DYM: variants seen among roughly 807,000 people sequenced by gnomAD.
DYM encodes dyggve-Melchior-Clausen syndrome protein.
A neutral mutation model predicts 93.1 loss-of-function variants in DYM; 78 were observed. The observed-to-expected ratio is 0.84, with a 90% CI of 0.70 to 1.01. The LOEUF is 1.01. DYM is among the 50% of genes least tolerant of loss of function. DYM has a pLI of 0.00. For synonymous variants in DYM, 321 were observed against 319.7 expected, an observed-to-expected ratio of 1.00 and a Z score of -0.04; for missense variants, 789 against 845.0, an observed-to-expected ratio of 0.93 and a Z score of 0.82.
chr18:49,133,849 T>G (rs1296293964), intron 15 of DYM, among the ~76,000 whole-genome samples: 1 of 152,222 alleles, frequency 6.6e-6, no homozygotes, highest in Admixed American at 6.5e-5. Flanking sequence ...TGCAAAGTCC[T>G]TTTTGCTATG....
intron 11 of DYM, among the ~76,000 whole-genome samples, chr18:49,262,537 A>G (rs1309266719): frequency 6.6e-6 from 1 of 152,192 alleles, no homozygotes; most frequent in Non-Finnish European, 1.5e-5. Flanking sequence ...TTTTTCACTC[A>G]GCATGTTTCT....
At position 49,097,387 on chromosome 18, in the gene DYM, C is replaced by A; in HGVS notation, c.2025+15G>T. 1 of 1,612,732 alleles carries A rather than the reference C, an allele frequency of 6.2e-7. No homozygotes were observed. On this transcript the variant is annotated intron_variant, in intron 17 of 17. Coordinates refer to ENST00000675505, the MANE Select transcript of DYM (RefSeq NM_001353214.3). ...ACACGGCAGTGTCAAGTGGACATTT[C>A]TTTAGCCTTCTTACCTTCAGTCTGT...
At chr18:49,201,014 A>G (rs1001388353) in intron 14 of DYM, among the ~76,000 whole-genome samples, 2 of 152,192 alleles carry the variant, frequency 1.3e-5, no homozygotes, top group African/African-American at 4.8e-5. Flanking sequence ...GTATTATGCT[A>G]TATCTTTAGT....
At chr18:49,168,415 T>C (rs2088194924) in intron 14 of DYM, among the ~76,000 whole-genome samples, 1 of 152,144 alleles carries the variant, frequency 6.6e-6, no homozygotes, top group Admixed American at 6.5e-5. Context: ...ATGACAGCAT[T>C]TCACAAAAGA....
intron 13 of DYM, among the ~76,000 whole-genome samples, chr18:49,255,457 G>A (rs2094372984): frequency 6.6e-6 from 1 of 152,152 alleles, no homozygotes; most frequent in African/African-American, 2.4e-5. Flanking sequence ...GGCGGATCAT[G>A]AGGTTAGGAG....
chr18:49,262,411 C>G (rs1484677745), intron 11 of DYM, among the ~76,000 whole-genome samples: 1 of 152,164 alleles, frequency 6.6e-6, no homozygotes, highest in Non-Finnish European at 1.5e-5. Flanking sequence ...GGTACTCAGA[C>G]AACTCTAGAA....
chr18:49,414,012 AAAAGAAAGAAAG>A (rs140966484), intron 2 of DYM, among the ~76,000 whole-genome samples: 2 of 151,892 alleles, frequency 1.3e-5, no homozygotes, highest in African/African-American at 2.4e-5. Context: ...TCTGTCTCAA[AAAAGAAAGAAAG>A]AAAGAAAGAA....
chr18:49,044,753 G>A (rs2071251076), intron 17 of DYM, among the ~76,000 whole-genome samples: 1 of 152,238 alleles, frequency 6.6e-6, no homozygotes, highest in Non-Finnish European at 1.5e-5. Flanking sequence ...CTTGGCCTCA[G>A]TCTCTTCCTC....
intron 11 of DYM, among the ~76,000 whole-genome samples, 183 bp from the exon 12 acceptor site, chr18:49,258,676 T>C (rs1047390956): frequency 2.0e-4 from 30 of 151,994 alleles, no homozygotes; most frequent in African/African-American, 7.2e-4. Context: ...CTGCCATGGC[T>C]GTGGAGAGTA....
At chr18:49,257,152 A>G in intron 12 of DYM, 48 bp from the exon 13 acceptor site, 1 of 1,441,230 alleles carries the variant, frequency 6.9e-7, no homozygotes, top group Non-Finnish European at 9.8e-7. Context: ...TCTTCTCTAT[A>G]TTTTAACCAA....
intron 14 of DYM, among the ~76,000 whole-genome samples, chr18:49,205,086 A>C (rs531492075): frequency 6.6e-6 from 1 of 152,186 alleles, no homozygotes; most frequent in South Asian, 2.1e-4. Context: ...TCAGCCTCCC[A>C]AGTAGCTGGG....
chr18:49,422,155 C>T lies in DYM; in HGVS notation c.140+8100G>A, dbSNP rs1000309115. 3.0e-4 allele frequency among the ~76,000 whole-genome samples: 46 copies of T among 152,240 alleles called. 1 individual carries two copies. Among genetic ancestry groups the T allele is most frequent in the African/African-American group, 1.1e-3 (45 of 41,552 alleles). On this transcript the variant is annotated intron_variant, in intron 2 of 17. Coordinates refer to ENST00000675505, the MANE Select transcript of DYM (RefSeq NM_001353214.3). ...ATTCAAATTCAGGAAATACAGAGAACACCACAAAGATACTCCTCAAGAAAA... is the reference window on the plus strand; with the variant it reads ...ATTCAAATTCAGGAAATACAGAGAATACCACAAAGATACTCCTCAAGAAAA...
At chr18:49,373,795 G>A (rs1372282813) in intron 5 of DYM, among the ~76,000 whole-genome samples, 1 of 152,150 alleles carries the variant, frequency 6.6e-6, no homozygotes, top group East Asian at 1.9e-4. Context: ...TGCAGGTATT[G>A]AGTGGGCTAT....
chr18:49,317,692 T>TCCTTC (rs1352822360), intron 8 of DYM, among the ~76,000 whole-genome samples: 1 of 39,376 alleles, frequency 2.5e-5, no homozygotes, highest in Non-Finnish European at 5.1e-5. Flanking sequence ...TTCCTTCCTT[T>TCCTTC]CTTTCTTTCT....
At chr18:49,236,924 T>C (rs930287529) in intron 13 of DYM, among the ~76,000 whole-genome samples, 1 of 152,186 alleles carries the variant, frequency 6.6e-6, no homozygotes, top group Admixed American at 6.5e-5. Context: ...CTTTCAGTCT[T>C]TTTCCTTGTT....
At chr18:49,054,162 T>C (rs1464427233) in intron 17 of DYM, among the ~76,000 whole-genome samples, 1 of 152,196 alleles carries the variant, frequency 6.6e-6, no homozygotes, top group Non-Finnish European at 1.5e-5. Flanking sequence ...AAAAAGAAGA[T>C]AAGCACTGGT....
chr18:49,437,407 C>G (rs1394142462), intron 1 of DYM, among the ~76,000 whole-genome samples: 1 of 152,100 alleles, frequency 6.6e-6, no homozygotes, highest in Non-Finnish European at 1.5e-5. Flanking sequence ...TTCTCAAATA[C>G]CATATTGATG....
At chr18:49,059,809 C>G (rs189867285) in intron 17 of DYM, among the ~76,000 whole-genome samples, 58 of 152,262 alleles carry the variant, frequency 3.8e-4, no homozygotes, top group African/African-American at 1.3e-3. Flanking sequence ...CATCAACCAG[C>G]TACAAGCCAT....
At chr18:49,371,973 T>C (rs754412119) in intron 5 of DYM, among the ~76,000 whole-genome samples, 3 of 152,194 alleles carry the variant, frequency 2.0e-5, no homozygotes, top group Non-Finnish European at 2.9e-5. Flanking sequence ...ATCACAGCAG[T>C]ATTACAATGG....
Sources: allele counts gnomAD v4.1 joint callset (sites outside exome capture counted in the v4.1 genomes callset), GRCh38; gene constraint gnomAD v4.1.1; transcripts MANE v1.5; gene names NCBI Gene and HGNC (gene_info 2026-07-23, HGNC 2026-07-21).